KATNAL2: variants seen among roughly 807,000 people sequenced by gnomAD.
KATNAL2 encodes the protein katanin catalytic subunit A1 like 2.
A neutral mutation model predicts 76.3 loss-of-function variants in KATNAL2; 52 were observed. The observed-to-expected ratio is 0.68, with a 90% CI of 0.55 to 0.86. KATNAL2 has a LOEUF of 0.86. KATNAL2 is among the 40% of genes least tolerant of loss of function. The probability of loss-of-function intolerance (pLI) is 0.00; values close to 1 mark genes in which losing one functional copy is unlikely to be tolerated. For synonymous variants in KATNAL2, 243 were observed against 244.2 expected (o/e 1.00, Z 0.05); for missense variants, 660 against 668.9 (o/e 0.99, Z 0.15).
At chr18:47,044,199 A>T (rs1212591075) in intron 3 of KATNAL2, among the ~76,000 whole-genome samples, 1 of 152,072 alleles carries the variant, frequency 6.6e-6, no homozygotes, top group Non-Finnish European at 1.5e-5. Flanking sequence ...ATGATAGCTG[A>T]TGAGAAAAAA....
At position 46,946,055 on chromosome 18, in the gene KATNAL2, A is replaced by AT. The variant is rs1599400918; in HGVS notation, c.-509-2_-509-1insT. On this transcript the variant is annotated splice_acceptor_variant, in intron 1 of 17. Coordinates refer to ENST00000683218, the MANE Select transcript of KATNAL2 (RefSeq NM_001387690.1). LOFTEE classifies it low-confidence loss of function (5UTR_SPLICE). ...CTTACGAGAACTTTTTTTTTTTTGT[A>AT]GATTGAGGAAACTTGAATATTTTTG... 2.0e-4 allele frequency: 61 copies of AT among 304,552 alleles called. 1 individual carries two copies. The East Asian group carries it at 7.9e-3, about 39-fold the overall frequency. The allele number at this position is 304,552 out of a possible 1,614,324, so 18.9% of individuals were successfully genotyped here. A position where few individuals can be genotyped will look rare whatever the true frequency, so the allele number is the denominator to read the frequency against.
rs140787636 is a variant in KATNAL2, at chr18:47,031,363, T to G, written c.52-15094T>G. On this transcript the variant is annotated intron_variant, in intron 3 of 17. Coordinates refer to ENST00000683218, the MANE Select transcript of KATNAL2 (RefSeq NM_001387690.1). ...TTTTCGGCTTTTGTTTCTGCTGTCG[T>G]TGGCAGTTTCGCGTAATTTTTAATT... Among the ~76,000 whole-genome samples, 277 of 151,834 alleles carry G rather than the reference T, an allele frequency of 1.8e-3. 2 individuals are homozygous for G. The highest frequency in any genetic ancestry group is 7.3e-3 in the East Asian group (38 of 5,174).
chr18:46,919,747 A>G (rs907446028), intron 1 of KATNAL2, among the ~76,000 whole-genome samples: 44 of 152,326 alleles, frequency 2.9e-4, no homozygotes, highest in African/African-American at 1.0e-3. Context: ...TTGGCCTTGT[A>G]TTTGTTTAAT....
At chr18:47,068,288 A>C (rs1357237998) in intron 11 of KATNAL2, among the ~76,000 whole-genome samples, 1 of 152,208 alleles carries the variant, frequency 6.6e-6, no homozygotes, top group African/African-American at 2.4e-5. Context: ...TTTAGTCTTA[A>C]ACCACTGAGC....
At chr18:46,941,095 G>A (rs1044140503) in intron 1 of KATNAL2, among the ~76,000 whole-genome samples, 1 of 152,134 alleles carries the variant, frequency 6.6e-6, no homozygotes, top group African/African-American at 2.4e-5. Context: ...ATGCCAAAGC[G>A]GGTGGATTAC....
rs570594774 is a variant in KATNAL2, at chr18:46,920,215, A to G, written c.-510+2289A>G. The G allele has an allele frequency of 4.0e-4, 197 of 491,748 alleles. 4 individuals are homozygous for G. The highest frequency in any genetic ancestry group is 2.9e-3 in the South Asian group (188 of 64,876). The allele number at this position is 491,748 out of a possible 1,614,324, so 30.5% of individuals were successfully genotyped here. A position where few individuals can be genotyped will look rare whatever the true frequency, so the allele number is the denominator to read the frequency against. On this transcript the variant is annotated intron_variant, in intron 1 of 17. Coordinates refer to ENST00000683218, the MANE Select transcript of KATNAL2 (RefSeq NM_001387690.1). ...TAAGGACTGTTATGTCATTCTGGCC[A>G]CAGTATTAGATCACAACTGGGCATA...
At chr18:46,918,824 T>G (rs1039803010) in intron 1 of KATNAL2, among the ~76,000 whole-genome samples, 121 of 152,230 alleles carry the variant, frequency 7.9e-4, no homozygotes, top group Non-Finnish European at 5.9e-5. Flanking sequence ...AGGTTTCACT[T>G]TAAGTGTCAC....
At chr18:47,048,296 T>C (rs2061226824) in intron 4 of KATNAL2, among the ~76,000 whole-genome samples, 1 of 152,164 alleles carries the variant, frequency 6.6e-6, no homozygotes, top group Non-Finnish European at 1.5e-5. Flanking sequence ...CTACTGGAAC[T>C]AAAAGTCGGT....
chr18:46,932,399 G>A (rs979734469), intron 1 of KATNAL2, among the ~76,000 whole-genome samples: 1 of 151,970 alleles, frequency 6.6e-6, no homozygotes, highest in African/African-American at 2.4e-5. Context: ...AAAGGGCTGG[G>A]CACGGTGGCT....
intron 3 of KATNAL2, among the ~76,000 whole-genome samples, chr18:47,044,822 G>A (rs994883667): frequency 2.6e-5 from 4 of 151,630 alleles, no homozygotes; most frequent in Non-Finnish European, 5.9e-5. Context: ...GGTGGCTCAC[G>A]CCTGTAATCC....
At chr18:47,044,502 T>TA (rs1569072235) in intron 3 of KATNAL2, among the ~76,000 whole-genome samples, 1 of 152,182 alleles carries the variant, frequency 6.6e-6, no homozygotes, top group African/African-American at 2.4e-5. Context: ...CTCACGCCTG[T>TA]AATCCCAGCA....
intron 1 of KATNAL2, chr18:46,920,040 A>T: frequency 1.6e-6 from 2 of 1,288,182 alleles, no homozygotes; most frequent in Non-Finnish European, 2.0e-6. Context: ...AAGAAAAGCA[A>T]AGCCCCACTG....
intron 4 of KATNAL2, among the ~76,000 whole-genome samples, chr18:47,049,468 A>G (rs896434187): frequency 1.3e-5 from 2 of 152,200 alleles, no homozygotes; most frequent in Admixed American, 1.3e-4. Flanking sequence ...CCTGAGTTAA[A>G]ATACCTCAAG....
intron 3 of KATNAL2, among the ~76,000 whole-genome samples, chr18:47,039,002 G>C (rs1484870917): frequency 1.3e-5 from 2 of 152,168 alleles, no homozygotes; most frequent in Non-Finnish European, 2.9e-5. Context: ...AGCAGAAACA[G>C]GCTCTGTCTG....
At chr18:46,936,750 G>A (rs1337070188) in intron 1 of KATNAL2, among the ~76,000 whole-genome samples, 2 of 152,090 alleles carry the variant, frequency 1.3e-5, no homozygotes, top group Non-Finnish European at 2.9e-5. Context: ...TGAGGAGTTC[G>A]AGACCAGCCT....
intron 1 of KATNAL2, among the ~76,000 whole-genome samples, chr18:46,927,851 A>G (rs1172343884): frequency 6.6e-6 from 1 of 152,084 alleles, no homozygotes; most frequent in Non-Finnish European, 1.5e-5. Flanking sequence ...TCCATCACTG[A>G]TACCCTTTCT....
chr18:46,957,553 CTTTTTTT>C lies in KATNAL2; in HGVS notation c.51+10650_51+10656del, dbSNP rs67089810. ...ACAGGCGTGAACCACCGCGCCTGGC[CTTTTTTT>C]TTTTTTTTTTTTTTTTTTTGAGACA... On this transcript the variant is annotated intron_variant, in intron 3 of 17. Coordinates refer to ENST00000683218, the MANE Select transcript of KATNAL2 (RefSeq NM_001387690.1). 3.6e-3 allele frequency among the ~76,000 whole-genome samples: 219 copies of C among 60,528 alleles called. 7 individuals are homozygous for C. In the East Asian group the frequency reaches 0.088, roughly 24 times the overall value. 39.7% of individuals were successfully genotyped at this position (60,528 alleles called of 152,430 possible).
intron 6 of KATNAL2, among the ~76,000 whole-genome samples, chr18:47,055,147 A>T (rs2061436768): frequency 6.6e-6 from 1 of 152,016 alleles, no homozygotes; most frequent in Non-Finnish European, 1.5e-5. Context: ...CCCCACTCCC[A>T]TAGACCCCTC....
At chr18:46,949,532 C>G (rs1010594677) in intron 3 of KATNAL2, among the ~76,000 whole-genome samples, 1 of 152,222 alleles carries the variant, frequency 6.6e-6, no homozygotes, top group Admixed American at 6.5e-5. Context: ...CAAGCGTGAG[C>G]CTTCGTGTCT....
Sources: allele counts gnomAD v4.1 joint callset (sites outside exome capture counted in the v4.1 genomes callset), GRCh38; gene constraint gnomAD v4.1.1; transcripts MANE v1.5; gene names NCBI Gene and HGNC (gene_info 2026-07-23, HGNC 2026-07-21).